SYNE1: variants seen among roughly 807,000 people sequenced by gnomAD.
The protein encoded by SYNE1 is nesprin-1.
In SYNE1, 616 loss-of-function variants were observed where a neutral mutation model predicts 1,111.0. The ratio of observed to expected loss-of-function variants is 0.55; its 90% CI spans 0.52 to 0.59. The LOEUF (loss-of-function observed/expected upper bound fraction) is 0.59. Ranked by LOEUF, SYNE1 falls within the 20% of genes least tolerant of loss-of-function variation. SYNE1 has a pLI of 0.00. For missense variants in SYNE1, 10,006 were observed against 10,417.0 expected, an observed-to-expected ratio of 0.96 and a Z score of 1.72; for synonymous variants, 3,855 against 3,825.8, an observed-to-expected ratio of 1.01 and a Z score of -0.28.
At position 152,416,848 on chromosome 6, in the gene SYNE1, C is replaced by T; in HGVS notation, c.5589G>A (p.Arg1863=). ...FEEASQVVER[R]QLALSHLAEF... is the part of the protein sequence containing the mutation. ...CTGCCAAATGGGACAGGGCAAGCTG[C>T]CGCCTCTCCACAACCTGGCTGGCCT... The change falls in exon 41 of 146, where the codon CGG becomes CGA. Residue 1863 remains arginine (R), a synonymous_variant. Transcript: ENST00000367255. The T allele has an allele frequency of 6.2e-7, 1 of 1,614,088 alleles. No individual in the cohort carries two copies. The highest frequency in any genetic ancestry group is 1.1e-5 in the South Asian group (1 of 91,090).
chr6:152,197,869 A>G (rs2074497491), intron 127 of SYNE1, among the ~76,000 whole-genome samples: 1 of 152,192 alleles, frequency 6.6e-6, no homozygotes. Flanking sequence ...CAAGAGAGTT[A>G]GCCTTTTCTC....
chr6:152,463,298 T>G, intron 19 of SYNE1, 55 bp downstream of exon 19: 3 of 1,611,896 alleles, frequency 1.9e-6, no homozygotes, highest in Non-Finnish European at 2.5e-6. Flanking sequence ...AACAGACTAC[T>G]TATCACATTT....
intron 73 of SYNE1, among the ~76,000 whole-genome samples, chr6:152,344,446 G>A (rs1220989361): frequency 6.6e-6 from 1 of 152,164 alleles, no homozygotes; most frequent in African/African-American, 2.4e-5. Flanking sequence ...ACATCACAGT[G>A]TAATATCCGG....
intron 114 of SYNE1, 123 bp downstream of exon 114, chr6:152,231,268 T>G: frequency 1.0e-6 from 1 of 962,506 alleles, no homozygotes; most frequent in Non-Finnish European, 1.7e-6. Context: ...CCTTCAGCGG[T>G]ATTATTGGAA....
intron 101 of SYNE1, among the ~76,000 whole-genome samples, chr6:152,258,403 G>T (rs2091337883): frequency 6.6e-6 from 1 of 152,118 alleles, no homozygotes; most frequent in South Asian, 2.1e-4. Flanking sequence ...TTTGCACTTG[G>T]CTGCATTATG....
chr6:152,238,434 A>G, intron 108 of SYNE1, among the ~76,000 whole-genome samples: 1 of 152,240 alleles, frequency 6.6e-6, no homozygotes, highest in East Asian at 1.9e-4. Flanking sequence ...GGGACCTGAC[A>G]TGTCAATAAA....
At position 152,447,516 on chromosome 6, in the gene SYNE1, C is replaced by T; in HGVS notation, c.3611G>A (p.Gly1204Glu). 6.2e-7 allele frequency: 1 copy of T among 1,614,210 alleles called. No individual in the cohort carries two copies. The highest frequency in any genetic ancestry group is 2.2e-5 in the East Asian group (1 of 44,886). ...GCTGGATAATTTTGCCAGCTCATCT[C>T]CCTGCTTTTGGGCTTCATTCTCAGA... The part of the protein sequence containing the change: ...VSSENEAQKQ[G>E]DELAKLSSSF... The change falls in exon 29 of 146, where the codon GGA becomes GAA. Residue 1204 changes from glycine (G) to glutamate (E), a missense_variant. Around this residue, in one of 7 missense-constraint regions of SYNE1, gnomAD observed 1,971 missense variants for 2,084.1 expected, o/e 0.95. Transcript: ENST00000367255.
At chr6:152,202,283 G>T (rs1347429749) in intron 126 of SYNE1, among the ~76,000 whole-genome samples, 1 of 129,692 alleles carries the variant, frequency 7.7e-6, no homozygotes, top group Non-Finnish European at 1.6e-5. Flanking sequence ...GGAGGCAGAA[G>T]TTGCAGTGAG....
chr6:152,140,141 G>A lies in SYNE1; in HGVS notation c.25267C>T (p.Leu8423Phe), dbSNP rs766991360. ...TTGCTCAATGCCTGGGCCTGGAGAAGCTCCCATCGGTCAATCACACCTGGC... is the reference window on the plus strand; with the variant it reads ...TTGCTCAATGCCTGGGCCTGGAGAAACTCCCATCGGTCAATCACACCTGGC... ...QTAGVIDRWE[L>F]LQAQALSKEL... The change falls in exon 140 of 146, where the codon CTT (leucine) becomes TTT (phenylalanine). Residue 8423 changes from leucine (L) to phenylalanine (F), a missense_variant. Leu to Phe is a conservative substitution (Grantham distance 22). Around this residue, in one of 7 missense-constraint regions of SYNE1, gnomAD observed 761 missense variants for 795.5 expected, o/e 0.96. Transcript: ENST00000367255. The A allele has an allele frequency of 1.9e-6, 3 of 1,614,182 alleles. No individual in the cohort carries two copies. The highest frequency in any genetic ancestry group is 2.5e-6 in the Non-Finnish European group (3 of 1,180,028).
chr6:152,150,777 G>A (rs7743748), intron 135 of SYNE1, among the ~76,000 whole-genome samples: 18,366 of 152,198 alleles, frequency 0.12, 2,055 homozygotes, highest in African/African-American at 0.29. Context: ...TACAAAATGT[G>A]TTTAAAATTA....
chr6:152,326,145 C>G (rs141180730), intron 79 of SYNE1, 43 bp from the exon 80 acceptor site: 1 of 1,613,930 alleles, frequency 6.2e-7, no homozygotes, highest in South Asian at 1.1e-5. Flanking sequence ...CACGAAATCA[C>G]GTATTTCTAC....
Position 152,143,557 on chromosome 6 carries a change from G to A in SYNE1, c.25119+66C>T, listed in dbSNP as rs556791160. On this transcript the variant is annotated intron_variant, in intron 138 of 145. Coordinates refer to ENST00000367255, the MANE Select transcript of SYNE1 (RefSeq NM_182961.4). ...CACATAAAGCCCTGATGCTGCAGAC[G>A]AACTGTTCTTTGACACAGAACTGTG... 2.6e-5 allele frequency: 42 copies of A among 1,609,032 alleles called. No homozygotes were observed. The African/African-American group carries it at 2.8e-4, about 11-fold the overall frequency.
chr6:152,241,803 T>C (rs892545550), intron 107 of SYNE1, among the ~76,000 whole-genome samples: 12 of 152,118 alleles, frequency 7.9e-5, no homozygotes, highest in African/African-American at 2.9e-4. Context: ...CGAGGAGTCC[T>C]TGACGAGGAC....
chr6:152,265,529 T>G (rs1162341617), intron 100 of SYNE1, among the ~76,000 whole-genome samples: 1 of 152,184 alleles, frequency 6.6e-6, no homozygotes, highest in East Asian at 1.9e-4. Context: ...ATTGCTTTTT[T>G]CTTTTGTGGT....
chr6:152,256,101 A>C (rs2090749978), intron 102 of SYNE1, among the ~76,000 whole-genome samples: 1 of 151,628 alleles, frequency 6.6e-6, no homozygotes, highest in Non-Finnish European at 1.5e-5. Context: ...TCTGAAAAAA[A>C]TAAAATAAAA....
intron 137 of SYNE1, 94 bp from the exon 138 acceptor site, chr6:152,143,859 T>C: frequency 6.4e-7 from 1 of 1,573,264 alleles, no homozygotes; most frequent in Non-Finnish European, 8.7e-7. Flanking sequence ...TGATTTCAGT[T>C]ACAGCAGCAT....
At chr6:152,310,085 T>A in intron 89 of SYNE1, 68 bp from the exon 90 acceptor site, 1 of 1,510,302 alleles carries the variant, frequency 6.6e-7, no homozygotes, top group Non-Finnish European at 8.9e-7. Flanking sequence ...CAAAAGGCAC[T>A]AAATTATAGT....
chr6:152,275,977 A>C (rs377426736), intron 98 of SYNE1, among the ~76,000 whole-genome samples: 39 of 150,332 alleles, frequency 2.6e-4, no homozygotes, highest in South Asian at 4.2e-4. Flanking sequence ...GGGATATTAC[A>C]TTATTCCTCT....
intron 108 of SYNE1, among the ~76,000 whole-genome samples, chr6:152,237,920 T>A (rs886364574): frequency 1.3e-5 from 2 of 152,138 alleles, no homozygotes; most frequent in Non-Finnish European, 2.9e-5. Context: ...CACTGTGCAG[T>A]TGGAGTGGCA....
Sources: gnomAD v4.1 joint callset for allele counts (sites outside exome capture counted in the v4.1 genomes callset) on GRCh38, gnomAD v4.1.1 for gene constraint, gnomAD v4.1.1 regional missense constraint, MANE v1.5 for transcripts, NCBI Gene and HGNC (gene_info 2026-07-23, HGNC 2026-07-21) for gene names.